The following ATP8A2 variants were observed in gnomAD, a reference collection of about 807,000 sequenced individuals.
The protein encoded by ATP8A2 is ATPase phospholipid transporting 8A2.
Under a neutral mutation model 165.6 loss-of-function variants are expected in ATP8A2, and 100 were observed. The ratio of observed to expected loss-of-function variants is 0.60; its 90% CI spans 0.51 to 0.71. ATP8A2 has a LOEUF of 0.71. Ranked by LOEUF, ATP8A2 falls within the 30% of genes least tolerant of loss-of-function variation. The pLI is 0.00. For synonymous variants in ATP8A2, 543 were observed against 548.8 expected, an observed-to-expected ratio of 0.99 and a Z score of 0.15; for missense variants, 1,227 against 1,479.5, an observed-to-expected ratio of 0.83 and a Z score of 2.80.
intron 35 of ATP8A2, among the ~76,000 whole-genome samples, chr13:26,007,294 G>C (rs999950907): frequency 1.3e-4 from 20 of 152,158 alleles, no homozygotes; most frequent in African/African-American, 4.8e-4. Context: ...GAAGAGAAGG[G>C]TAAATTGGAA....
chr13:25,978,596 T>C (rs530894234), intron 35 of ATP8A2, among the ~76,000 whole-genome samples: 1 of 152,056 alleles, frequency 6.6e-6, no homozygotes, highest in Admixed American at 6.5e-5. Context: ...GTAGTGCATC[T>C]GAGAGAACTG....
chr13:25,533,311 G>A lies in ATP8A2; in HGVS notation c.505G>A (p.Glu169Lys), dbSNP rs771207411. The A allele has an allele frequency of 1.3e-6, 2 of 1,503,600 alleles. No homozygotes were observed. The highest frequency in any genetic ancestry group is 1.8e-6 in the Non-Finnish European group (2 of 1,083,730). The allele number at this position is 1,503,600 out of a possible 1,614,324, so 93.1% of individuals were successfully genotyped here. Reference sequence around the variant, plus strand: ...TATGTGGCATACCATTATGTGGAAAGAGGTAAAAACTAATTTTAAAGATGT... The same window carrying A: ...TATGTGGCATACCATTATGTGGAAAAAGGTAAAAACTAATTTTAAAGATGT... ...NGMWHTIMWK[E>K]VAVGDIVKVV... Residue 169 changes from glutamate to lysine, a missense_variant and splice_region_variant, in exon 6 of 37, where the codon GAG (glutamate) becomes AAG (lysine). By Grantham distance (56) the Glu-to-Lys change is moderately conservative. Transcript: ENST00000381655.
intron 35 of ATP8A2, among the ~76,000 whole-genome samples, chr13:25,978,530 G>A (rs1379325426): frequency 6.6e-6 from 1 of 152,194 alleles, no homozygotes; most frequent in Admixed American, 6.5e-5. Context: ...TTACAAAGGC[G>A]TAGAGAAGAA....
chr13:25,469,628 A>G (rs925123693), intron 2 of ATP8A2, among the ~76,000 whole-genome samples: 3 of 152,210 alleles, frequency 2.0e-5, no homozygotes, highest in Admixed American at 2.0e-4. Context: ...GAGTTAGCAG[A>G]AAGATGGACA....
At chr13:25,812,452 A>G (rs1037921679) in intron 27 of ATP8A2, among the ~76,000 whole-genome samples, 9 of 151,668 alleles carry the variant, frequency 5.9e-5, no homozygotes, top group African/African-American at 1.9e-4. Context: ...CCTGAAGTAT[A>G]TGTATCAATA....
At chr13:25,407,966 G>C (rs1317307953) in intron 1 of ATP8A2, among the ~76,000 whole-genome samples, 1 of 152,104 alleles carries the variant, frequency 6.6e-6, no homozygotes, top group Non-Finnish European at 1.5e-5. Context: ...AATGCATGCG[G>C]GGCTTAAAAC....
chr13:25,555,110 A>G (rs374959078), intron 13 of ATP8A2, 42 bp downstream of exon 13: 6 of 1,345,012 alleles, frequency 4.5e-6, no homozygotes, highest in African/African-American at 4.3e-5. Context: ...TGACACGAGC[A>G]TGAGGGAAAA....
chr13:25,540,424 A>G, intron 8 of ATP8A2, 36 bp downstream of exon 8: 6 of 1,407,890 alleles, frequency 4.3e-6, no homozygotes, highest in Non-Finnish European at 6.0e-6. Flanking sequence ...TTGTTATGGT[A>G]GACACAACTG....
intron 24 of ATP8A2, among the ~76,000 whole-genome samples, chr13:25,658,028 T>C (rs909115025): frequency 3.9e-5 from 6 of 152,124 alleles, no homozygotes; most frequent in Non-Finnish European, 8.8e-5. Context: ...ATTGGAGTAG[T>C]GAACTCAGGG....
At chr13:25,899,691 G>T (rs1007588942) in intron 33 of ATP8A2, among the ~76,000 whole-genome samples, 1 of 152,202 alleles carries the variant, frequency 6.6e-6, no homozygotes, top group Admixed American at 6.5e-5. Flanking sequence ...GAAGGAAGGG[G>T]TTGGTGCAGG....
intron 2 of ATP8A2, among the ~76,000 whole-genome samples, chr13:25,515,478 C>T (rs1348679670): frequency 6.6e-6 from 1 of 152,242 alleles, no homozygotes; most frequent in African/African-American, 2.4e-5. Flanking sequence ...GCGGCAGCCC[C>T]TCTTGTGGGC....
At chr13:25,764,614 C>A (rs1400399615) in intron 25 of ATP8A2, among the ~76,000 whole-genome samples, 5 of 152,216 alleles carry the variant, frequency 3.3e-5, no homozygotes, top group African/African-American at 1.2e-4. Flanking sequence ...TGATCAGAGG[C>A]TGTACCTTGA....
At chr13:25,594,547 C>T (rs543058865) in intron 24 of ATP8A2, among the ~76,000 whole-genome samples, 7 of 152,180 alleles carry the variant, frequency 4.6e-5, no homozygotes, top group Admixed American at 6.5e-5. Flanking sequence ...ACACTGAACC[C>T]GATTTGTAGC....
intron 25 of ATP8A2, among the ~76,000 whole-genome samples, chr13:25,738,073 G>A (rs1406287003): frequency 6.6e-6 from 1 of 152,172 alleles, no homozygotes; most frequent in East Asian, 1.9e-4. Flanking sequence ...CGTACATTAG[G>A]CACACTGGCT....
chr13:25,548,461 G>A (rs1400169857), intron 10 of ATP8A2, among the ~76,000 whole-genome samples: 1 of 152,150 alleles, frequency 6.6e-6, no homozygotes, highest in Non-Finnish European at 1.5e-5. Context: ...AATAAATGGG[G>A]TATAGAAATG....
At chr13:25,826,522 G>A (rs1478961382) in intron 27 of ATP8A2, among the ~76,000 whole-genome samples, 1 of 152,152 alleles carries the variant, frequency 6.6e-6, no homozygotes, top group Non-Finnish European at 1.5e-5. Flanking sequence ...TTCAAGAAAC[G>A]CAGTCTGGTG....
chr13:25,462,454 C>A (rs1197642024), intron 1 of ATP8A2, among the ~76,000 whole-genome samples: 1 of 150,152 alleles, frequency 6.7e-6, no homozygotes, highest in Non-Finnish European at 1.5e-5. Context: ...ATTGGAGATG[C>A]AGAGGTTGAG....
intron 24 of ATP8A2, among the ~76,000 whole-genome samples, chr13:25,594,906 C>T (rs938261562): frequency 6.6e-6 from 1 of 151,730 alleles, no homozygotes; most frequent in Non-Finnish European, 1.5e-5. Context: ...CAGCACAATT[C>T]ACAGTTGCAA....
chr13:25,517,295 G>A (rs1480249634), intron 2 of ATP8A2: 1 of 151,952 alleles, frequency 6.6e-6, no homozygotes, highest in African/African-American at 2.4e-5. Flanking sequence ...CACTTTTAAT[G>A]ATATTAGCCA....
Sources: allele counts gnomAD v4.1 joint callset (sites outside exome capture counted in the v4.1 genomes callset), GRCh38; gene constraint gnomAD v4.1.1; transcripts MANE v1.5; gene names NCBI Gene and HGNC (gene_info 2026-07-23, HGNC 2026-07-21).